Variants in WNK2 observed in about 807,000 individuals in gnomAD.
WNK2 encodes serine/threonine-protein kinase WNK2.
WNK2 carries 67 observed loss-of-function variants against 192.1 expected under a neutral mutation model. The ratio of observed to expected loss-of-function variants is 0.35; its 90% confidence interval spans 0.29 to 0.43. The LOEUF is 0.43. Among genes scored for constraint, WNK2 ranks in the 20% least tolerant of loss-of-function variants. The pLI, the probability that WNK2 is intolerant of heterozygous loss-of-function variation, is 1.00. For missense variants in WNK2, 2,698 were observed against 3,089.7 expected, an observed-to-expected ratio of 0.87 and a Z score of 3.01; for synonymous variants, 1,439 against 1,393.9, an observed-to-expected ratio of 1.03 and a Z score of -0.72.
intron 9 of WNK2, 120 bp downstream of exon 9, chr9:93,253,202 A>T: frequency 1.1e-6 from 1 of 925,164 alleles, no homozygotes; most frequent in Non-Finnish European, 1.4e-6. Flanking sequence ...TCAGCATTAA[A>T]AGTGGCCTGT....
chr9:93,315,003 A>G (rs116549974), intron 28 of WNK2, among the ~76,000 whole-genome samples: 3,673 of 152,244 alleles, frequency 0.024, 154 homozygotes, highest in African/African-American at 0.083. Context: ...TGCCTTAAGC[A>G]TCCCAAAAGC....
chr9:93,261,810 C>T lies in WNK2; in HGVS notation c.3067-4C>T. On this transcript the variant is annotated splice_polypyrimidine_tract_variant and splice_region_variant and intron_variant, in intron 12 of 29. Coordinates refer to ENST00000427277, the MANE Select transcript of WNK2 (RefSeq NM_006648.4). ...GACTTGCACCTTGTCCCCTGTGCCC[C>T]CAGATTCTGCTTGGCCACCCAGCTC... The T allele has an allele frequency of 6.3e-7, 1 of 1,584,402 alleles. No homozygotes were observed. The highest frequency in any genetic ancestry group is 8.6e-7 in the Non-Finnish European group (1 of 1,168,510).
Position 93,267,731 on chromosome 9 carries a change from T to C in WNK2, c.3697-15T>C. 1 of 1,566,256 alleles carries C rather than the reference T, an allele frequency of 6.4e-7. No individual in the cohort carries two copies. The highest frequency in any genetic ancestry group is 8.7e-7 in the Non-Finnish European group (1 of 1,153,828). On this transcript the variant is annotated splice_polypyrimidine_tract_variant and intron_variant, in intron 16 of 29. Coordinates refer to ENST00000427277, the MANE Select transcript of WNK2 (RefSeq NM_006648.4). ...CCTTGCAGCTGGTCCTCACTGGCAG[T>C]ATGTCCCTTTGCAGGTGGAGCATGA... is the stretch of plus-strand genomic sequence containing the variant.
At chr9:93,317,183 T>G in intron 28 of WNK2, 1 of 419,702 alleles carries the variant, frequency 2.4e-6, no homozygotes, top group Non-Finnish European at 4.4e-6. Flanking sequence ...CAGGAGGGCT[T>G]TGTGGTGGCT....
At position 93,320,400 on chromosome 9, in the gene WNK2, T is replaced by C. The variant is rs753311186; in HGVS notation, c.*8T>C. 19 of 1,367,688 alleles carry C rather than the reference T, an allele frequency of 1.4e-5. 1 individual carries two copies. The South Asian group carries it at 1.9e-4, about 14-fold the overall frequency. 84.7% of individuals were successfully genotyped at this position (1,367,688 alleles called of 1,614,324 possible). A position where few individuals can be genotyped will look rare whatever the true frequency, so the allele number is the denominator to read the frequency against. On this transcript the variant is annotated 3_prime_UTR_variant, in exon 30 of 30. Coordinates refer to ENST00000427277, the MANE Select transcript of WNK2 (RefSeq NM_006648.4). ...AGTGAGAAGCCTGACTGACCCCGCC[T>C]AGACGCCAGGCCCACTTCACGCCGT...
At position 93,275,658 on chromosome 9, in the gene WNK2, T is replaced by G. The variant is rs116634269; in HGVS notation, c.4033+6912T>G. 7.9e-3 allele frequency among the ~76,000 whole-genome samples: 1,199 copies of G among 152,234 alleles called. 16 individuals are homozygous for G. Among genetic ancestry groups the G allele is most frequent in the African/African-American group, 0.027 (1,128 of 41,544 alleles). On this transcript the variant is annotated intron_variant, in intron 19 of 29. Transcript: ENST00000427277. ...GGCATGTGGATTAAAAAGAAAGAAA[T>G]AAAACTATCTTATTTGCAGATAACA...
chr9:93,217,779 T>C lies in WNK2; in HGVS notation c.682-11917T>C, dbSNP rs558638772. Among the ~76,000 whole-genome samples, 400 of 152,358 alleles carry C rather than the reference T, an allele frequency of 2.6e-3. 1 individual carries two copies. Among genetic ancestry groups the C allele is most frequent in the African/African-American group, 9.3e-3 (386 of 41,578 alleles). ...GGCACATGTTTATTCAGTGGACATC[T>C]TGACCTGAGGCCAACACCGGCCTTG... On this transcript the variant is annotated intron_variant, in intron 2 of 29. Coordinates refer to ENST00000427277, the MANE Select transcript of WNK2 (RefSeq NM_006648.4).
At chr9:93,245,206 A>G (rs1841478585) in intron 7 of WNK2, among the ~76,000 whole-genome samples, 1 of 152,226 alleles carries the variant, frequency 6.6e-6, no homozygotes, top group Non-Finnish European at 1.5e-5. Context: ...ACCATTTGAG[A>G]CTAAGTGGCT....
chr9:93,192,846 TG>T (rs1830578848), intron 2 of WNK2, among the ~76,000 whole-genome samples: 1 of 152,212 alleles, frequency 6.6e-6, no homozygotes, highest in African/African-American at 2.4e-5. Flanking sequence ...CCAGTGGTCC[TG>T]GGCTGGCTGG....
chr9:93,290,030 C>A lies in WNK2; in HGVS notation c.4919C>A (p.Thr1640Lys). ...PTRGAVMEQG[T>K]SSSMTAESSP... ...CGAGGGGCCGTGATGGAGCAGGGCA[C>A]GTCCTCGTCAATGACAGGTAACAGC... The change falls in exon 21 of 30, where the codon ACG becomes AAG. Residue 1640 changes from threonine to lysine, a missense_variant. Physicochemically the swap from Thr to Lys is moderately conservative, Grantham distance 78. Coordinates refer to ENST00000427277, the MANE Select transcript of WNK2 (RefSeq NM_006648.4). The A allele has an allele frequency of 6.3e-7, 1 of 1,575,268 alleles. No homozygotes were observed. Among genetic ancestry groups the A allele is most frequent in the Non-Finnish European group, 8.6e-7 (1 of 1,159,372 alleles).
At chr9:93,287,189 A>G (rs1365422977) in intron 19 of WNK2, among the ~76,000 whole-genome samples, 1 of 152,248 alleles carries the variant, frequency 6.6e-6, no homozygotes, top group African/African-American at 2.4e-5. Context: ...AAAAAACAAT[A>G]AAGAGCCACA....
Position 93,185,493 on chromosome 9 carries a change from C to A in WNK2, c.564C>A (p.Thr188=). 2.5e-6 allele frequency: 4 copies of A among 1,612,888 alleles called. No individual in the cohort carries two copies. The highest frequency in any genetic ancestry group is 3.4e-6 in the Non-Finnish European group (4 of 1,179,774). Residue 188 remains threonine, a synonymous_variant, in exon 2 of 30, where the codon ACC becomes ACA. Coordinates refer to ENST00000427277, the MANE Select transcript of WNK2 (RefSeq NM_006648.4). ...AGGACGACCTCAAGGCCGTGGCCACCTCTCTGGACGGCCGCTTCCTCAAGT... is the reference window on the plus strand; with the variant it reads ...AGGACGACCTCAAGGCCGTGGCCACATCTCTGGACGGCCGCTTCCTCAAGT... ...DDEDDLKAVA[T]SLDGRFLKFD... is the part of the protein sequence containing the mutation.
intron 26 of WNK2, 132 bp downstream of exon 26, chr9:93,300,281 A>C: frequency 5.6e-6 from 4 of 709,386 alleles, no homozygotes; most frequent in Non-Finnish European, 9.3e-6. Flanking sequence ...CACCTATTTA[A>C]TATCAAAGTG....
chr9:93,288,708 G>C (rs1848834789), intron 19 of WNK2, 80 bp from the exon 20 acceptor site: 1 of 1,381,562 alleles, frequency 7.2e-7, no homozygotes. Context: ...GCTGTGTAAG[G>C]CATCTTTTTA....
rs1468921228 is a variant in WNK2, at chr9:93,292,612, G to A, written c.5147G>A (p.Ser1716Asn). 1.3e-6 allele frequency: 2 copies of A among 1,580,590 alleles called. No individual in the cohort carries two copies. Among genetic ancestry groups the A allele is most frequent in the Non-Finnish European group, 1.7e-6 (2 of 1,162,186 alleles). Residue 1716 changes from serine to asparagine, a missense_variant, in exon 23 of 30, where the codon AGC (serine) becomes AAC (asparagine). Around this residue, in one of 7 missense-constraint regions of WNK2, gnomAD observed 1,098 missense variants for 1,101.0 expected, o/e 1.00. Transcript: ENST00000427277. The stretch of plus-strand genomic sequence containing the variant: ...ATGGGCACAGTGGGGGGCCAGGCTA[G>A]CCACCCCCAGACACTCGGCGCTCGA... ...SDMGTVGGQA[S>N]HPQTLGARAL...
intron 19 of WNK2, among the ~76,000 whole-genome samples, chr9:93,288,382 T>C (rs968322946): frequency 9.2e-5 from 14 of 152,240 alleles, no homozygotes; most frequent in Non-Finnish European, 1.8e-4. Flanking sequence ...GAATAACTTT[T>C]GTCCAGTGCA....
chr9:93,298,188 C>G, intron 24 of WNK2, 121 bp downstream of exon 24: 1 of 1,076,750 alleles, frequency 9.3e-7, no homozygotes, highest in South Asian at 1.5e-5. Flanking sequence ...GGGGTTATCT[C>G]CTTACTGAAT....
intron 21 of WNK2, among the ~76,000 whole-genome samples, chr9:93,291,008 C>T (rs1016259197): frequency 2.0e-5 from 3 of 152,270 alleles, no homozygotes; most frequent in East Asian, 1.9e-4. Flanking sequence ...CAGCCGCAGG[C>T]GGGACCCCGT....
chr9:93,301,773 G>A (rs925738717), intron 26 of WNK2, among the ~76,000 whole-genome samples: 2 of 152,232 alleles, frequency 1.3e-5, no homozygotes, highest in African/African-American at 2.4e-5. Flanking sequence ...GGGTGTTAGT[G>A]TCAGGTATGG....
Sources: gnomAD v4.1 joint callset for allele counts (sites outside exome capture counted in the v4.1 genomes callset) on GRCh38, gnomAD v4.1.1 for gene constraint, gnomAD v4.1.1 regional missense constraint, MANE v1.5 for transcripts, NCBI Gene and HGNC (gene_info 2026-07-23, HGNC 2026-07-21) for gene names.